The following UBE4B variants were observed in gnomAD, a reference collection of about 807,000 sequenced individuals.
UBE4B encodes the protein ubiquitin conjugation factor E4 B.
UBE4B carries 27 observed loss-of-function variants against 148.1 expected under a neutral mutation model. The ratio of observed to expected loss-of-function variants is 0.18; its 90% confidence interval spans 0.13 to 0.25. The LOEUF is 0.25. Among genes scored for constraint, UBE4B ranks in the 10% least tolerant of loss-of-function variants. UBE4B has a pLI of 1.00. For missense variants in UBE4B, 1,170 were observed against 1,662.4 expected (o/e 0.70, Z 5.15); for synonymous variants, 596 against 619.3 (o/e 0.96, Z 0.56).
At chr1:10,086,767 G>T (rs1209428277) in intron 2 of UBE4B, among the ~76,000 whole-genome samples, 1 of 151,814 alleles carries the variant, frequency 6.6e-6, no homozygotes, top group Admixed American at 6.6e-5. Flanking sequence ...TGATCTCACT[G>T]CAGCCTCTGC....
At chr1:10,116,575 TC>T (rs1266624281) in intron 7 of UBE4B, among the ~76,000 whole-genome samples, 3 of 152,240 alleles carry the variant, frequency 2.0e-5, no homozygotes, top group Admixed American at 2.0e-4. Context: ...GTATATCAAA[TC>T]CGTTTGTGAG....
intron 1 of UBE4B, among the ~76,000 whole-genome samples, chr1:10,039,046 C>T (rs1169700087): frequency 6.6e-6 from 1 of 151,836 alleles, no homozygotes; most frequent in East Asian, 1.9e-4. Flanking sequence ...GGAGGCAGAG[C>T]AAGACTCCAT....
intron 23 of UBE4B, among the ~76,000 whole-genome samples, chr1:10,162,766 C>T (rs1646186192): frequency 6.6e-6 from 1 of 152,036 alleles, no homozygotes; most frequent in African/African-American, 2.4e-5. Context: ...AGGTAGTTTT[C>T]AACCCTCACT....
intron 7 of UBE4B, among the ~76,000 whole-genome samples, chr1:10,115,930 A>G (rs753222347): frequency 1.3e-5 from 2 of 152,208 alleles, no homozygotes; most frequent in Non-Finnish European, 2.9e-5. Flanking sequence ...TGGCATTATA[A>G]CCTTGTGGGA....
At chr1:10,036,410 C>G (rs1570754194) in intron 1 of UBE4B, among the ~76,000 whole-genome samples, 1 of 152,042 alleles carries the variant, frequency 6.6e-6, no homozygotes, top group East Asian at 1.9e-4. Context: ...AATTAGTTGT[C>G]CAGAACACAA....
Position 10,161,539 on chromosome 1 carries a change from G to A in UBE4B, c.3198+253G>A, listed in dbSNP as rs774348005. 6.6e-6 allele frequency among the ~76,000 whole-genome samples: 1 copy of A among 152,088 alleles called. No homozygotes were observed. The highest frequency in any genetic ancestry group is 1.9e-4 in the East Asian group (1 of 5,202). The stretch of plus-strand genomic sequence containing the variant: ...TTTCTCTGCCTTTTTAATTTTAAAG[G>A]GCTTTTTTGGAGATGAGCTTTTATT... On this transcript the variant is annotated intron_variant, in intron 23 of 27. Transcript: ENST00000343090. The surrounding 1 kb of genome is among the most constrained non-coding windows in gnomAD (Gnocchi z 4.1).
At chr1:10,044,307 G>A (rs963689375) in intron 1 of UBE4B, among the ~76,000 whole-genome samples, 4 of 151,596 alleles carry the variant, frequency 2.6e-5, no homozygotes, top group Admixed American at 6.6e-5. Context: ...GGCTTGCCTC[G>A]GCCTCCCAAA....
intron 1 of UBE4B, among the ~76,000 whole-genome samples, chr1:10,053,385 G>A (rs997932223): frequency 6.6e-6 from 1 of 151,962 alleles, no homozygotes; most frequent in African/African-American, 2.4e-5. Context: ...TCCTGACCTC[G>A]TGATCCACCC....
chr1:10,078,250 C>T (rs1644617421), intron 2 of UBE4B, among the ~76,000 whole-genome samples: 2 of 152,104 alleles, frequency 1.3e-5, no homozygotes, highest in South Asian at 4.1e-4. Flanking sequence ...CTCAGGTGAT[C>T]CACCTGTCTC....
rs186470422 is a variant in UBE4B, at chr1:10,168,310, C to G, written c.3333+40C>G. 78 of 1,606,684 alleles carry G rather than the reference C, an allele frequency of 4.9e-5. No homozygotes were observed. The East Asian group carries it at 1.7e-3, about 35-fold the overall frequency. On this transcript the variant is annotated intron_variant, in intron 24 of 27. Transcript: ENST00000343090. This position sits in a 1 kb window ranked among gnomAD's most constrained non-coding sequence, Gnocchi z 4.9. ...GGGGCTCTGTTTGGTGGTTTGGACT[C>G]CACATTCAGACTCTCTCACTTATAA...
chr1:10,086,102 G>A (rs2101856855), intron 2 of UBE4B, among the ~76,000 whole-genome samples: 1 of 152,228 alleles, frequency 6.6e-6, no homozygotes, highest in Non-Finnish European at 1.5e-5. Context: ...CTCCCGAGTA[G>A]CTGGGACTAC....
intron 4 of UBE4B, among the ~76,000 whole-genome samples, chr1:10,101,432 CAG>C (rs1183010954): frequency 1.4e-5 from 2 of 143,412 alleles, no homozygotes; most frequent in Non-Finnish European, 3.1e-5. Flanking sequence ...ATGATTTTAT[CAG>C]TAAATTTAGG....
intron 1 of UBE4B, among the ~76,000 whole-genome samples, chr1:10,071,425 T>C (rs920486071): frequency 6.6e-6 from 1 of 152,018 alleles, no homozygotes; most frequent in African/African-American, 2.4e-5. Flanking sequence ...CTGTCAAAAA[T>C]TAAAAAAAAT....
chr1:10,050,721 CTTTT>C (rs1174636299), intron 1 of UBE4B, among the ~76,000 whole-genome samples: 2 of 133,410 alleles, frequency 1.5e-5, no homozygotes, highest in Admixed American at 7.6e-5. Flanking sequence ...GACTCCTATT[CTTTT>C]TTTTTTTTTT....
At chr1:10,087,880 C>A (rs1022706681) in intron 2 of UBE4B, among the ~76,000 whole-genome samples, 1 of 152,170 alleles carries the variant, frequency 6.6e-6, no homozygotes, top group Non-Finnish European at 1.5e-5. Flanking sequence ...ATCTGGAATT[C>A]TATGAGGAAA....
At chr1:10,048,217 C>T (rs756373953) in intron 1 of UBE4B, among the ~76,000 whole-genome samples, 1 of 151,900 alleles carries the variant, frequency 6.6e-6, no homozygotes, top group Non-Finnish European at 1.5e-5. Flanking sequence ...TTAAGCAGCT[C>T]AAAAAATGGA....
At chr1:10,124,956 T>C (rs552261570) in intron 10 of UBE4B, among the ~76,000 whole-genome samples, 107 of 152,102 alleles carry the variant, frequency 7.0e-4, no homozygotes, top group African/African-American at 2.5e-3. Context: ...CAAAACCCCA[T>C]CTCTACTCAA....
intron 1 of UBE4B, among the ~76,000 whole-genome samples, chr1:10,037,385 T>C (rs1460356398): frequency 6.6e-6 from 1 of 152,158 alleles, no homozygotes; most frequent in Non-Finnish European, 1.5e-5. Flanking sequence ...TTATATAGTG[T>C]ATTACAGTGA....
chr1:10,122,635 TA>T (rs1230856172), intron 10 of UBE4B, among the ~76,000 whole-genome samples: 1 of 152,226 alleles, frequency 6.6e-6, no homozygotes, highest in Non-Finnish European at 1.5e-5. Context: ...TGCTTAAAAA[TA>T]AAGCTGTGTA....
Sources: gnomAD v4.1 joint callset for allele counts (sites outside exome capture counted in the v4.1 genomes callset) on GRCh38, gnomAD v4.1.1 for gene constraint, Gnocchi (gnomAD v3.1) non-coding constraint, MANE v1.5 for transcripts, NCBI Gene and HGNC (gene_info 2026-07-23, HGNC 2026-07-21) for gene names.